FAAH2: variants seen among roughly 807,000 people sequenced by gnomAD.
FAAH2 encodes fatty acid amide hydrolase 2, also known as fatty-acid amide hydrolase 2.
A neutral mutation model predicts 36.9 loss-of-function variants in FAAH2; 60 were observed. The observed-to-expected ratio is 1.63, with a 90% CI of 1.32 to 2.02. The LOEUF is 2.02. Ranked by LOEUF, FAAH2 falls within the 30% of genes most tolerant of loss-of-function variation. The probability of loss-of-function intolerance (pLI) is 0.00; values close to 1 mark genes in which losing one functional copy is unlikely to be tolerated. For synonymous variants in FAAH2, 214 were observed against 143.8 expected, an observed-to-expected ratio of 1.49 and a Z score of -3.49; for missense variants, 689 against 397.5, an observed-to-expected ratio of 1.73 and a Z score of -6.23.
the FAAH2 span, among the ~76,000 whole-genome samples, chrX:57,221,260 C>G: frequency 1.8e-5 from 2 of 111,373 alleles, no homozygotes; most frequent in Non-Finnish European, 3.8e-5. Context: ...TAGTACCCAA[C>G]ACATCAACCC....
chrX:57,459,042 C>T (rs1410603281), intron 10 of FAAH2, among the ~76,000 whole-genome samples: 1 of 112,045 alleles, frequency 8.9e-6, no homozygotes, highest in South Asian at 3.8e-4. Flanking sequence ...CTCAGTGGTT[C>T]CCACTCCCAT....
At chrX:57,467,242 G>A (rs147087723) in intron 10 of FAAH2, among the ~76,000 whole-genome samples, 62 of 111,209 alleles carry the variant, frequency 5.6e-4, no homozygotes, top group Middle Eastern at 9.2e-3. Flanking sequence ...GGGGAGTGTT[G>A]GACAGTGGGT....
At chrX:57,392,425 G>A (rs1450667816) in intron 7 of FAAH2, among the ~76,000 whole-genome samples, 4 of 111,149 alleles carry the variant, frequency 3.6e-5, no homozygotes, top group Admixed American at 9.6e-5. Flanking sequence ...TCTGTGGAAC[G>A]TCACTAACGT....
chrX:57,164,935 C>T, the FAAH2 span, among the ~76,000 whole-genome samples: 1 of 112,213 alleles, frequency 8.9e-6, no homozygotes, highest in African/African-American at 3.2e-5. Context: ...GTTGGACCTT[C>T]GTTATCATAA....
the FAAH2 span, among the ~76,000 whole-genome samples, chrX:57,256,855 C>CA: frequency 1.1e-4 from 12 of 111,690 alleles, no homozygotes; most frequent in Non-Finnish European, 2.3e-4. Flanking sequence ...GAAGACAAAG[C>CA]AAAAAACCAC....
chrX:57,366,777 C>T (rs2147161527), intron 5 of FAAH2, among the ~76,000 whole-genome samples: 1 of 112,526 alleles, frequency 8.9e-6, no homozygotes, highest in African/African-American at 3.2e-5. Flanking sequence ...GTGGCTGTAG[C>T]TAGGCAGGAC....
At chrX:57,391,172 G>T (rs749076036) in intron 7 of FAAH2, among the ~76,000 whole-genome samples, 61 of 109,470 alleles carry the variant, frequency 5.6e-4, no homozygotes, top group South Asian at 1.1e-3. Context: ...TTTTAATGGG[G>T]TTTTTTTTGT....
At chrX:57,304,631 A>G (rs2052468539) in intron 2 of FAAH2, among the ~76,000 whole-genome samples, 1 of 112,162 alleles carries the variant, frequency 8.9e-6, no homozygotes, top group Admixed American at 9.5e-5. Flanking sequence ...GATTGGGCCT[A>G]TTCCCTGTAA....
intron 7 of FAAH2, among the ~76,000 whole-genome samples, chrX:57,412,442 A>G (rs1357686516): frequency 9.0e-6 from 1 of 110,720 alleles, no homozygotes; most frequent in East Asian, 2.8e-4. Flanking sequence ...CTCATTGTTC[A>G]ACTCCCAGTT....
At chrX:57,185,138 A>T in the FAAH2 span, among the ~76,000 whole-genome samples, 1 of 110,966 alleles carries the variant, frequency 9.0e-6, no homozygotes, top group Non-Finnish European at 1.9e-5. Flanking sequence ...ATTAATAACT[A>T]TAGTCACCAT....
intron 3 of FAAH2, among the ~76,000 whole-genome samples, chrX:57,328,416 GT>G (rs771034872): frequency 4.4e-4 from 49 of 111,222 alleles, no homozygotes; most frequent in African/African-American, 1.5e-3. Flanking sequence ...GGTTGATTGT[GT>G]TTTTTTTCTA....
chrX:57,402,290 A>G (rs1400904836), intron 7 of FAAH2, among the ~76,000 whole-genome samples: 1 of 111,996 alleles, frequency 8.9e-6, no homozygotes, highest in African/African-American at 3.2e-5. Context: ...TACTCAGACA[A>G]TCTTTTTAAA....
chrX:57,173,664 G>A, the FAAH2 span, among the ~76,000 whole-genome samples: 7 of 111,813 alleles, frequency 6.3e-5, no homozygotes, highest in East Asian at 8.4e-4. Flanking sequence ...TAGGGGGAAC[G>A]TTTACAACTT....
chrX:57,148,673 G>C, the FAAH2 span, among the ~76,000 whole-genome samples: 6 of 111,770 alleles, frequency 5.4e-5, no homozygotes, highest in South Asian at 3.8e-4. Context: ...GAGACAATGG[G>C]ATTTTCTAGA....
chrX:57,247,569 GA>G, the FAAH2 span, among the ~76,000 whole-genome samples: 1 of 111,493 alleles, frequency 9.0e-6, no homozygotes, highest in African/African-American at 3.3e-5. Context: ...AGGCCATTCA[GA>G]AAATGATTCA....
chrX:57,293,042 C>CT (rs1453101459), intron 2 of FAAH2, among the ~76,000 whole-genome samples: 1 of 111,094 alleles, frequency 9.0e-6, no homozygotes, highest in Non-Finnish European at 1.9e-5. Context: ...CTCAGCAGCT[C>CT]TGAGGTATTA....
the FAAH2 span, among the ~76,000 whole-genome samples, chrX:57,207,575 C>T: frequency 2.7e-5 from 3 of 112,043 alleles, no homozygotes; most frequent in African/African-American, 9.7e-5. Flanking sequence ...TTTACTTTTC[C>T]CCATTTCCAC....
chrX:57,455,086 GACTCTCTGTAAGA>G (rs1340094583), intron 10 of FAAH2, among the ~76,000 whole-genome samples: 2 of 111,713 alleles, frequency 1.8e-5, no homozygotes, highest in Non-Finnish European at 3.8e-5. Flanking sequence ...AACCCCACCA[GACTCTCTGTAAGA>G]ACTCTCTGTA....
chrX:57,227,005 A>T, the FAAH2 span, among the ~76,000 whole-genome samples: 18 of 107,841 alleles, frequency 1.7e-4, no homozygotes, highest in Non-Finnish European at 2.9e-4. Context: ...TGAATTTTTA[A>T]TTTTTTTTTT....
Sources: gnomAD v4.1 joint callset for allele counts (sites outside exome capture counted in the v4.1 genomes callset) on GRCh38, gnomAD v4.1.1 for gene constraint, MANE v1.5 for transcripts, NCBI Gene and HGNC (gene_info 2026-07-23, HGNC 2026-07-21) for gene names.